CUX1: variants seen among roughly 807,000 people sequenced by gnomAD.
CUX1 encodes protein CASP.
CUX1 carries 31 observed loss-of-function variants against 158.8 expected under a neutral mutation model. The observed-to-expected ratio is 0.20, with a 90% CI of 0.15 to 0.26. CUX1 has a LOEUF of 0.26. Among genes scored for constraint, CUX1 ranks in the 10% least tolerant of loss-of-function variants. The probability of loss-of-function intolerance (pLI) is 1.00; values close to 1 mark genes in which losing one functional copy is unlikely to be tolerated. For missense variants in CUX1, 1,589 were observed against 2,014.6 expected (o/e 0.79, Z 4.04); for synonymous variants, 879 against 862.1 (o/e 1.02, Z -0.34).
At chr7:101,863,759 C>G (rs1285511421) in intron 1 of CUX1, among the ~76,000 whole-genome samples, 1 of 152,214 alleles carries the variant, frequency 6.6e-6, no homozygotes, top group Non-Finnish European at 1.5e-5. Flanking sequence ...GTCTCTATGC[C>G]TTTGACCACT....
At chr7:102,204,985 CG>C in intron 19 of CUX1, 128 bp from the exon 20 acceptor site, 1 of 676,882 alleles carries the variant, frequency 1.5e-6, no homozygotes, top group South Asian at 1.8e-5. Context: ...CTCCCCGGCC[CG>C]TGGGTCCCCA....
Position 101,984,113 on chromosome 7 carries a change from T to C in CUX1, c.142-43985T>C, listed in dbSNP as rs1163056522. Among the ~76,000 whole-genome samples the C allele has an allele frequency of 1.4e-4, 10 of 70,566 alleles. 1 individual carries two copies. Among genetic ancestry groups the C allele is most frequent in the African/African-American group, 4.0e-4 (6 of 15,042 alleles). The allele number at this position is 70,566 out of a possible 152,430, so 46.3% of individuals were successfully genotyped here. Reference sequence around the variant, plus strand: ...AAATATATATATATATATATATATATATATATATATATATATACACACACA... The same window carrying C: ...AAATATATATATATATATATATATACATATATATATATATATACACACACA... On this transcript the variant is annotated intron_variant, in intron 2 of 23. Coordinates refer to ENST00000292535, the MANE Select transcript of CUX1 (RefSeq NM_181552.4).
intron 20 of CUX1, among the ~76,000 whole-genome samples, chr7:102,226,870 A>T (rs180786239): frequency 6.6e-6 from 1 of 152,186 alleles, no homozygotes; most frequent in Admixed American, 6.5e-5. Context: ...ACCTTAGATG[A>T]TCCACTCGCC....
intron 2 of CUX1, among the ~76,000 whole-genome samples, chr7:101,941,685 G>A (rs898823661): frequency 5.9e-5 from 9 of 152,136 alleles, no homozygotes; most frequent in Admixed American, 1.3e-4. Context: ...CCTGAACTCC[G>A]TCTGCCTCGT....
intron 5 of CUX1, among the ~76,000 whole-genome samples, chr7:102,098,734 G>A (rs920453973): frequency 1.3e-5 from 2 of 150,734 alleles, no homozygotes; most frequent in South Asian, 2.1e-4. Context: ...TCTGCCTCCC[G>A]GGTTCACGCC....
chr7:102,093,232 AAAAAAAAAAAAAAG>A (rs1828827507), intron 4 of CUX1, among the ~76,000 whole-genome samples: 1 of 27,076 alleles, frequency 3.7e-5, no homozygotes, highest in Non-Finnish European at 8.5e-5. Flanking sequence ...TCTTTAAAAA[AAAAAAAAAAAAAAG>A]AAAGTCATAG....
At chr7:101,973,692 A>G (rs921810944) in intron 2 of CUX1, among the ~76,000 whole-genome samples, 5 of 151,870 alleles carry the variant, frequency 3.3e-5, no homozygotes, top group African/African-American at 9.7e-5. Flanking sequence ...AGAAAGTGAC[A>G]TGTCCCAATT....
intron 1 of CUX1, among the ~76,000 whole-genome samples, chr7:101,836,684 C>CA (rs71755816): frequency 0.38 from 29,576 of 77,492 alleles, 5,692 homozygotes; most frequent in African/African-American, 0.54. Context: ...GACTCCTTCT[C>CA]AAAAAAAAAA....
At chr7:102,112,064 A>C in intron 7 of CUX1, 1 of 276,058 alleles carries the variant, frequency 3.6e-6, no homozygotes, top group Non-Finnish European at 6.9e-6. Context: ...CTTCTAAATC[A>C]CCAAACTGTC....
Position 102,257,076 on chromosome 7 carries a change from T to C in CUX1, c.*8034T>C. On this transcript the variant is annotated 3_prime_UTR_variant, in exon 24 of 24. Transcript: ENST00000292535. ...GCTCAGCCAGCAGGACACCCAGTTG[T>C]TGCCAATCAGGTGTGAAGGTGAGGC... The C allele has an allele frequency of 1.0e-6, 1 of 985,246 alleles. No homozygotes were observed. Among genetic ancestry groups the C allele is most frequent in the Non-Finnish European group, 1.2e-6 (1 of 829,800 alleles). 61.0% of individuals were successfully genotyped at this position (985,246 alleles called of 1,614,324 possible).
intron 1 of CUX1, among the ~76,000 whole-genome samples, chr7:101,909,253 G>C (rs71559438): frequency 0.069 from 8,244 of 120,322 alleles, 364 homozygotes; most frequent in East Asian, 0.6. Context: ...GTCCAGTTCA[G>C]GTTTGGGAGG....
intron 5 of CUX1, among the ~76,000 whole-genome samples, chr7:102,100,463 T>G (rs781327254): frequency 2.6e-5 from 4 of 152,236 alleles, no homozygotes; most frequent in Non-Finnish European, 5.9e-5. Flanking sequence ...CACACAGCAT[T>G]TGGCACTCAA....
intron 1 of CUX1, among the ~76,000 whole-genome samples, chr7:101,853,111 T>A (rs2970458): frequency 6.6e-6 from 1 of 151,954 alleles, no homozygotes. Context: ...ACCCTAAGAA[T>A]CAGAGCTTTG....
At chr7:102,078,608 G>C (rs1554477444) in intron 4 of CUX1, among the ~76,000 whole-genome samples, 2 of 152,168 alleles carry the variant, frequency 1.3e-5, no homozygotes, top group Non-Finnish European at 2.9e-5. Context: ...TTTATTTTAA[G>C]ATTTAAATCT....
At position 102,256,529 on chromosome 7, in the gene CUX1, C is replaced by A. The variant is rs912414735; in HGVS notation, c.*7487C>A. The A allele has an allele frequency of 3.0e-6, 3 of 985,252 alleles. No homozygotes were observed. Among genetic ancestry groups the A allele is most frequent in the South Asian group, 4.7e-5 (1 of 21,288 alleles). 61.0% of individuals were successfully genotyped at this position (985,252 alleles called of 1,614,324 possible). On this transcript the variant is annotated 3_prime_UTR_variant, in exon 24 of 24. Transcript: ENST00000292535. ...TGGGGGGCAGAGGGGGTTTCCCCAG[C>A]AAAATCAAACACCTGTCTCCAGAGT... is the stretch of plus-strand genomic sequence containing the variant.
intron 4 of CUX1, among the ~76,000 whole-genome samples, chr7:102,070,651 C>T (rs1359566664): frequency 6.6e-6 from 1 of 152,198 alleles, no homozygotes; most frequent in African/African-American, 2.4e-5. Flanking sequence ...TAGGGGATGA[C>T]TTCGTAAAAG....
chr7:101,913,368 C>T (rs1266019291), intron 1 of CUX1: 2 of 1,267,848 alleles, frequency 1.6e-6, no homozygotes, highest in Non-Finnish European at 2.1e-6. Context: ...GGGCCGCAGA[C>T]CCCCGTTGAG....
intron 8 of CUX1, among the ~76,000 whole-genome samples, chr7:102,121,810 C>T (rs1554493590): frequency 6.6e-6 from 1 of 152,094 alleles, no homozygotes; most frequent in East Asian, 1.9e-4. Context: ...GTCCTTTAGG[C>T]TCAAATTCCA....
At chr7:101,936,529 CGGATACATA>C (rs1806958781) in intron 2 of CUX1, among the ~76,000 whole-genome samples, 1 of 152,076 alleles carries the variant, frequency 6.6e-6, no homozygotes, top group South Asian at 2.1e-4. Flanking sequence ...GGAGTTTTCC[CGGATACATA>C]GGAGAAAAGG....
Sources: allele counts gnomAD v4.1 joint callset (sites outside exome capture counted in the v4.1 genomes callset), GRCh38; gene constraint gnomAD v4.1.1; transcripts MANE v1.5; gene names NCBI Gene and HGNC (gene_info 2026-07-23, HGNC 2026-07-21).